CHRM3: variants seen among roughly 807,000 people sequenced by gnomAD.
CHRM3 encodes muscarinic acetylcholine receptor M3.
A neutral mutation model predicts 41.8 loss-of-function variants in CHRM3; 11 were observed. The observed-to-expected ratio is 0.26, with a 90% CI of 0.17 to 0.44. CHRM3 has a LOEUF of 0.44. Ranked by LOEUF, CHRM3 falls within the 20% of genes least tolerant of loss-of-function variation. The pLI, the probability that CHRM3 is intolerant of heterozygous loss-of-function variation, is 1.00. For synonymous variants in CHRM3, 297 were observed against 301.4 expected (o/e 0.99, Z 0.15); for missense variants, 571 against 745.4 (o/e 0.77, Z 2.72).
chr1:239,559,871 G>A (rs1660701267), intron 3 of CHRM3, among the ~76,000 whole-genome samples: 1 of 152,056 alleles, frequency 6.6e-6, no homozygotes, highest in South Asian at 2.1e-4. Context: ...CATTTCCAAG[G>A]TGTTATCAAA....
intron 5 of CHRM3, among the ~76,000 whole-genome samples, chr1:239,816,506 AG>A (rs2149016015): frequency 6.6e-6 from 1 of 152,206 alleles, no homozygotes; most frequent in Admixed American, 6.5e-5. Context: ...CAGAAGAGGG[AG>A]GGAATCAATC....
At chr1:239,811,473 C>T (rs1210341404) in intron 5 of CHRM3, among the ~76,000 whole-genome samples, 2 of 152,232 alleles carry the variant, frequency 1.3e-5, no homozygotes, top group African/African-American at 4.8e-5. Context: ...TCCCTCACCA[C>T]AGATTCTCCC....
At chr1:239,799,486 G>T (rs1253219119) in intron 5 of CHRM3, among the ~76,000 whole-genome samples, 1 of 152,084 alleles carries the variant, frequency 6.6e-6, no homozygotes, top group Non-Finnish European at 1.5e-5. Context: ...CCCGCTCATG[G>T]AATCCCTCCA....
At chr1:239,676,907 C>G (rs1303469353) in intron 4 of CHRM3, among the ~76,000 whole-genome samples, 1 of 152,158 alleles carries the variant, frequency 6.6e-6, no homozygotes, top group Non-Finnish European at 1.5e-5. Flanking sequence ...TCTGCCACAT[C>G]GTGTGCATAA....
At chr1:239,847,200 G>A (rs1250979862) in intron 6 of CHRM3, among the ~76,000 whole-genome samples, 3 of 152,190 alleles carry the variant, frequency 2.0e-5, no homozygotes, top group African/African-American at 7.2e-5. Flanking sequence ...CTTTCCAGAA[G>A]TAGATTCAAC....
At chr1:239,623,045 C>T (rs905007678) in intron 3 of CHRM3, among the ~76,000 whole-genome samples, 11 of 151,632 alleles carry the variant, frequency 7.3e-5, no homozygotes, top group African/African-American at 2.4e-4. Flanking sequence ...TTGAGGCAAA[C>T]CCTCCACCAA....
intron 5 of CHRM3, among the ~76,000 whole-genome samples, chr1:239,771,426 A>G (rs967917237): frequency 1.3e-5 from 2 of 152,194 alleles, no homozygotes; most frequent in Non-Finnish European, 2.9e-5. Context: ...AAAAGAAAAA[A>G]GAATGGAAAT....
intron 5 of CHRM3, among the ~76,000 whole-genome samples, chr1:239,797,218 G>A (rs1327329355): frequency 1.3e-5 from 2 of 152,096 alleles, no homozygotes; most frequent in African/African-American, 4.8e-5. Context: ...AGGAAAGGAG[G>A]GGGCAAGGGC....
chr1:239,911,243 T>C lies in CHRM3; in HGVS notation c.*2019T>C, dbSNP rs1413674364. On this transcript the variant is annotated 3_prime_UTR_variant, in exon 7 of 7. Transcript: ENST00000676153. Reference sequence around the variant, plus strand: ...AGCTCCACCATTGTGTCTGAAATCATTTTACACAGGGAAAAAAAAAAACAA... The same window carrying C: ...AGCTCCACCATTGTGTCTGAAATCACTTTACACAGGGAAAAAAAAAAACAA... The C allele has an allele frequency of 6.1e-6, 1 of 164,804 alleles. No homozygotes were observed. The highest frequency in any genetic ancestry group is 1.9e-4 in the East Asian group (1 of 5,192). 10.2% of individuals were successfully genotyped at this position (164,804 alleles called of 1,614,324 possible).
chr1:239,392,216 T>A (rs957281676), intron 1 of CHRM3, among the ~76,000 whole-genome samples: 2 of 152,126 alleles, frequency 1.3e-5, no homozygotes, highest in Non-Finnish European at 2.9e-5. Context: ...ACAGCTCCTC[T>A]CCTGACAGTG....
intron 3 of CHRM3, among the ~76,000 whole-genome samples, chr1:239,629,824 C>G (rs915133692): frequency 6.6e-6 from 1 of 152,090 alleles, no homozygotes; most frequent in Admixed American, 6.5e-5. Context: ...TATTCTGTCT[C>G]TAGTTTTGTT....
At chr1:239,558,588 T>G (rs781154171) in intron 3 of CHRM3, among the ~76,000 whole-genome samples, 1 of 152,144 alleles carries the variant, frequency 6.6e-6, no homozygotes, top group Non-Finnish European at 1.5e-5. Flanking sequence ...CTTACTTTCA[T>G]TCAAGAATAT....
At chr1:239,763,307 C>T (rs1316833412) in intron 5 of CHRM3, among the ~76,000 whole-genome samples, 1 of 152,196 alleles carries the variant, frequency 6.6e-6, no homozygotes, top group Non-Finnish European at 1.5e-5. Flanking sequence ...GCTTTACTAA[C>T]TGCTTTTAAG....
intron 5 of CHRM3, among the ~76,000 whole-genome samples, chr1:239,724,931 C>G (rs1296818242): frequency 2.0e-5 from 3 of 151,914 alleles, no homozygotes; most frequent in African/African-American, 7.2e-5. Context: ...AAATTACAGT[C>G]ATGACCCACC....
At chr1:239,539,329 C>T (rs796071799) in intron 2 of CHRM3, among the ~76,000 whole-genome samples, 2 of 152,178 alleles carry the variant, frequency 1.3e-5, no homozygotes, top group South Asian at 2.1e-4. Context: ...CTGGTTAGAA[C>T]TCCCCTAAGA....
chr1:239,500,741 A>C (rs1668185895), intron 2 of CHRM3, among the ~76,000 whole-genome samples: 1 of 152,198 alleles, frequency 6.6e-6, no homozygotes. Flanking sequence ...AAGTACACAG[A>C]CAACAAAAAG....
At position 239,806,375 on chromosome 1, in the gene CHRM3, G is replaced by A. The variant is rs186610966; in HGVS notation, c.-146-20877G>A. ...CACACCTGTGGACATCCAGGATGGA[G>A]TTACACAACACACACACACCTGTGG... On this transcript the variant is annotated intron_variant, in intron 5 of 6. Transcript: ENST00000676153. 1.2e-3 allele frequency among the ~76,000 whole-genome samples: 177 copies of A among 150,430 alleles called. No homozygotes were observed. In the Middle Eastern group the frequency reaches 0.014, roughly 12 times the overall value.
intron 2 of CHRM3, among the ~76,000 whole-genome samples, chr1:239,545,042 A>G (rs1419302642): frequency 1.3e-5 from 1 of 76,518 alleles, no homozygotes; most frequent in African/African-American, 2.5e-5. Flanking sequence ...ATTCATATGC[A>G]TACATAAGGT....
intron 3 of CHRM3, among the ~76,000 whole-genome samples, chr1:239,618,640 C>A (rs113688787): frequency 2.0e-5 from 3 of 150,986 alleles, no homozygotes; most frequent in African/African-American, 7.3e-5. Context: ...GTCAGGAGAT[C>A]GAGACCATCC....
Sources: gnomAD v4.1 joint callset for allele counts (sites outside exome capture counted in the v4.1 genomes callset) on GRCh38, gnomAD v4.1.1 for gene constraint, MANE v1.5 for transcripts, NCBI Gene and HGNC (gene_info 2026-07-23, HGNC 2026-07-21) for gene names.